The following SETBP1 variants were observed in gnomAD, a reference collection of about 807,000 sequenced individuals.
The protein encoded by SETBP1 is SET-binding protein.
SETBP1 carries 9 observed loss-of-function variants against 101.0 expected under a neutral mutation model. That is an observed-to-expected ratio of 0.09 (90% confidence interval 0.05 to 0.16). SETBP1 has a LOEUF of 0.16. Among genes scored for constraint, SETBP1 ranks in the 10% least tolerant of loss-of-function variants. SETBP1 has a pLI of 1.00. For synonymous variants in SETBP1, 818 were observed against 788.5 expected (o/e 1.04, Z -0.63); for missense variants, 1,858 against 2,033.8 (o/e 0.91, Z 1.66).
rs141679209 is a variant in SETBP1 at position 45,046,625 on chromosome 18, CAT to C, written c.4171+7971_4171+7972del. Among the ~76,000 whole-genome samples the C allele has an allele frequency of 9.8e-3, 1,498 of 152,304 alleles. 36 individuals carry two copies. The highest frequency in any genetic ancestry group is 0.035 in the African/African-American group (1,446 of 41,558). ...GTTCTGTGAGAATTTCAGGATAAGC[CAT>C]TCAATGGAAAACGGGAGAGTGCATC... On this transcript the variant is annotated intron_variant, in intron 5 of 5. Transcript: ENST00000649279.
At chr18:45,034,426 C>T (rs1223636634) in intron 4 of SETBP1, among the ~76,000 whole-genome samples, 1 of 152,080 alleles carries the variant, frequency 6.6e-6, no homozygotes, top group Non-Finnish European at 1.5e-5. Context: ...CTAATGCAAA[C>T]ACGGTGTGCA....
rs1319907547 is a variant in SETBP1, at chr18:44,866,038, A to G, written c.487-3192A>G. Among the ~76,000 whole-genome samples the G allele has an allele frequency of 2.6e-5, 4 of 152,182 alleles. No individual in the cohort carries two copies. The East Asian group carries it at 7.7e-4, about 29-fold the overall frequency. On this transcript the variant is annotated intron_variant, in intron 2 of 5. Coordinates refer to ENST00000649279, the MANE Select transcript of SETBP1 (RefSeq NM_015559.3). ...CTGAACTGGGATGGGCCCATTTAAC[A>G]TTTTACTGTTTCAACCAGTGCAAGG...
chr18:44,854,645 G>A (rs765807236), intron 2 of SETBP1, among the ~76,000 whole-genome samples: 1 of 152,110 alleles, frequency 6.6e-6, no homozygotes, highest in Non-Finnish European at 1.5e-5. Context: ...AAAACCCTTG[G>A]CATCGTCCTT....
At chr18:44,745,644 G>A (rs1166369833) in intron 2 of SETBP1, among the ~76,000 whole-genome samples, 2 of 152,184 alleles carry the variant, frequency 1.3e-5, no homozygotes, top group East Asian at 1.9e-4. Flanking sequence ...AACAGGAAAC[G>A]AGCTTGTGCT....
intron 2 of SETBP1, among the ~76,000 whole-genome samples, chr18:44,725,840 A>G (rs1162832704): frequency 1.3e-5 from 2 of 152,082 alleles, no homozygotes; most frequent in African/African-American, 2.4e-5. Flanking sequence ...TCCCACAGCC[A>G]CCAAAGCCAA....
At chr18:44,799,925 A>G (rs1290574985) in intron 2 of SETBP1, among the ~76,000 whole-genome samples, 1 of 152,184 alleles carries the variant, frequency 6.6e-6, no homozygotes, top group Non-Finnish European at 1.5e-5. Flanking sequence ...CCAAGAGGCA[A>G]GGGCAAGATG....
intron 5 of SETBP1, among the ~76,000 whole-genome samples, chr18:45,043,389 A>T (rs199829438): frequency 2.4e-5 from 2 of 83,034 alleles, no homozygotes; most frequent in Admixed American, 1.2e-4. Context: ...ACTCACACAC[A>T]CACACACAAA....
intron 2 of SETBP1, among the ~76,000 whole-genome samples, chr18:44,866,834 C>G (rs555744926): frequency 6.6e-6 from 1 of 152,290 alleles, no homozygotes; most frequent in African/African-American, 2.4e-5. Context: ...TGGTCATTAT[C>G]AATTAAATAC....
intron 2 of SETBP1, among the ~76,000 whole-genome samples, chr18:44,783,838 C>A (rs944362779): frequency 3.3e-5 from 5 of 152,196 alleles, no homozygotes; most frequent in African/African-American, 9.7e-5. Context: ...GTTGAGACTT[C>A]AAATTCTTAT....
intron 2 of SETBP1, among the ~76,000 whole-genome samples, chr18:44,768,194 C>T (rs552126555): frequency 2.0e-5 from 3 of 152,196 alleles, no homozygotes; most frequent in Admixed American, 2.0e-4. Context: ...GCTTCAAAGT[C>T]CAATGTTGAT....
At chr18:44,716,548 G>A (rs2069469115) in intron 2 of SETBP1, among the ~76,000 whole-genome samples, 2 of 152,020 alleles carry the variant, frequency 1.3e-5, no homozygotes, top group African/African-American at 2.4e-5. Flanking sequence ...AGAAGCATAG[G>A]TGAGTCATTC....
intron 3 of SETBP1, chr18:44,877,261 G>C (rs1021611344): frequency 1.5e-6 from 1 of 649,938 alleles, no homozygotes; most frequent in East Asian, 1.4e-4. Flanking sequence ...GTTTTCCTAC[G>C]GATTTGTCTT....
chr18:44,778,495 T>G (rs961895022), intron 2 of SETBP1, among the ~76,000 whole-genome samples: 4 of 152,256 alleles, frequency 2.6e-5, no homozygotes, highest in African/African-American at 9.6e-5. Context: ...TGTTGATTTT[T>G]ATCATCTGAT....
rs140144044 is a variant in SETBP1, at chr18:45,035,890, A to T, written c.4001-2595A>T. Among the ~76,000 whole-genome samples, 289 of 152,242 alleles carry T rather than the reference A, an allele frequency of 1.9e-3. 1 individual carries two copies. Among genetic ancestry groups the T allele is most frequent in the Middle Eastern group, 6.8e-3 (2 of 294 alleles). On this transcript the variant is annotated intron_variant, in intron 4 of 5. Coordinates refer to ENST00000649279, the MANE Select transcript of SETBP1 (RefSeq NM_015559.3). ...TCATGCCTGCTCTGCCCATTATCAG[A>T]CTTTTTAGCAGCCAAGTTGTGAAAA...
At chr18:44,929,265 G>A (rs1387789723) in intron 3 of SETBP1, among the ~76,000 whole-genome samples, 9 of 152,100 alleles carry the variant, frequency 5.9e-5, no homozygotes, top group African/African-American at 1.4e-4. Context: ...TATTATTTCC[G>A]AGGGCTCTAC....
intron 3 of SETBP1, among the ~76,000 whole-genome samples, chr18:44,910,277 C>A (rs1317230077): frequency 6.6e-6 from 1 of 152,164 alleles, no homozygotes; most frequent in Non-Finnish European, 1.5e-5. Context: ...CATTCAGGGA[C>A]AAACAGCAAT....
Position 44,953,161 on chromosome 18 carries a change from G to C in SETBP1, c.3821G>C (p.Arg1274Thr). 6.2e-7 allele frequency: 1 copy of C among 1,614,106 alleles called. No individual in the cohort carries two copies. Among genetic ancestry groups the C allele is most frequent in the South Asian group, 1.1e-5 (1 of 91,072 alleles). Residue 1274 changes from arginine to threonine, a missense_variant, in exon 4 of 6, where the codon AGA (arginine) becomes ACA (threonine). Transcript: ENST00000649279. ...AGTGGCGGGGATGGTGGCAGCACGA[G>C]ATCAGAGAACCTGGACGTGTTCAGT... ...SGSGGDGGSTRSENLDVFSEM... is the reference protein window; with the variant it reads ...SGSGGDGGSTTSENLDVFSEM...
intron 4 of SETBP1, among the ~76,000 whole-genome samples, chr18:44,963,322 A>C (rs185745645): frequency 3.3e-5 from 5 of 152,196 alleles, no homozygotes; most frequent in African/African-American, 4.8e-5. Flanking sequence ...TATTTTACAT[A>C]CAAAGGGAGC....
At chr18:45,048,710 C>T (rs967343850) in intron 5 of SETBP1, among the ~76,000 whole-genome samples, 2 of 151,988 alleles carry the variant, frequency 1.3e-5, no homozygotes, top group African/African-American at 2.4e-5. Flanking sequence ...CGGTGGCTCA[C>T]GCCTGTAATC....
Sources: allele counts gnomAD v4.1 joint callset (sites outside exome capture counted in the v4.1 genomes callset), GRCh38; gene constraint gnomAD v4.1.1; transcripts MANE v1.5; gene names NCBI Gene and HGNC (gene_info 2026-07-23, HGNC 2026-07-21).